The following SPATA33 variants were observed in gnomAD, a reference collection of about 807,000 sequenced individuals.
SPATA33 encodes the protein spermatogenesis associated 33.
Under a neutral mutation model 8.9 loss-of-function variants are expected in SPATA33, and 10 were observed. The ratio of observed to expected loss-of-function variants is 1.12; its 90% confidence interval spans 0.69 to 1.90. The LOEUF is 1.90. Among genes scored for constraint, SPATA33 ranks in the 40% most tolerant of loss-of-function variants. The probability of loss-of-function intolerance (pLI) is 0.00; values close to 1 mark genes in which losing one functional copy is unlikely to be tolerated. For synonymous variants in SPATA33, 96 were observed against 72.8 expected, an observed-to-expected ratio of 1.32 and a Z score of -1.63; for missense variants, 241 against 178.3, an observed-to-expected ratio of 1.35 and a Z score of -2.00.
intron 2 of SPATA33, among the ~76,000 whole-genome samples, chr16:89,664,875 C>A (rs184794226): frequency 1.5e-4 from 23 of 152,336 alleles, no homozygotes; most frequent in Admixed American, 3.9e-4. Context: ...GCACCTGCAC[C>A]CCTGACGACG....
intron 2 of SPATA33, among the ~76,000 whole-genome samples, chr16:89,665,675 A>G (rs977869563): frequency 1.3e-5 from 2 of 152,222 alleles, no homozygotes; most frequent in Admixed American, 6.5e-5. Context: ...GTTTTAGACT[A>G]GAAAATTTCA....
intron 2 of SPATA33, among the ~76,000 whole-genome samples, chr16:89,662,564 C>A (rs1199725235): frequency 1.3e-5 from 2 of 151,932 alleles, no homozygotes; most frequent in African/African-American, 2.4e-5. Context: ...GCTGGGATTA[C>A]AGGCGCCCGC....
chr16:89,660,653 G>T, intron 2 of SPATA33: 2 of 914,154 alleles, frequency 2.2e-6, no homozygotes, highest in Non-Finnish European at 1.4e-6. Flanking sequence ...CACTCATGTT[G>T]CAGTTCCCTT....
At position 89,669,997 on chromosome 16, in the gene SPATA33, G is replaced by A; in HGVS notation, c.*500G>A. On this transcript the variant is annotated 3_prime_UTR_variant, in exon 3 of 3. Transcript: ENST00000579310. Reference sequence around the variant, plus strand: ...AGTGCTCTCCAGCCCGCCCCACCCTGTGAGAAGCCATGGCCCCTTCTCCAG... The same window carrying A: ...AGTGCTCTCCAGCCCGCCCCACCCTATGAGAAGCCATGGCCCCTTCTCCAG... 1 of 149,284 alleles carries A rather than the reference G, an allele frequency of 6.7e-6. No individual in the cohort carries two copies. Among genetic ancestry groups the A allele is most frequent in the Admixed American group, 6.4e-5 (1 of 15,526 alleles). 9.2% of individuals were successfully genotyped at this position (149,284 alleles called of 1,614,324 possible). A position where few individuals can be genotyped will look rare whatever the true frequency, so the allele number is the denominator to read the frequency against.
At chr16:89,666,154 C>T (rs1486032270) in intron 2 of SPATA33, among the ~76,000 whole-genome samples, 1 of 151,890 alleles carries the variant, frequency 6.6e-6, no homozygotes, top group Non-Finnish European at 1.5e-5. Flanking sequence ...GGGGTCGGGC[C>T]CTCTGATACT....
chr16:89,657,861 G>T lies in SPATA33; in HGVS notation c.-51G>T. On this transcript the variant is annotated 5_prime_UTR_variant, in exon 1 of 3. Coordinates refer to ENST00000579310, the MANE Select transcript of SPATA33 (RefSeq NM_001271907.2). ...GTGAGTCGCTCCCGGCTCCGCGGCC[G>T]CGGAGGTGTGGGGACCCGGGCTTGC... The T allele has an allele frequency of 6.6e-7, 1 of 1,510,036 alleles. No individual in the cohort carries two copies. The highest frequency in any genetic ancestry group is 8.8e-7 in the Non-Finnish European group (1 of 1,136,478). 93.5% of individuals were successfully genotyped at this position (1,510,036 alleles called of 1,614,324 possible).
chr16:89,668,874 A>G (rs2060060716), intron 2 of SPATA33, among the ~76,000 whole-genome samples: 1 of 152,212 alleles, frequency 6.6e-6, no homozygotes, highest in African/African-American at 2.4e-5. Context: ...CCATTTCTAG[A>G]ACATTCTAAT....
chr16:89,665,518 G>T (rs2060015251), intron 2 of SPATA33, among the ~76,000 whole-genome samples: 1 of 142,182 alleles, frequency 7.0e-6, no homozygotes, highest in Non-Finnish European at 1.5e-5. Context: ...GTTTCACTAT[G>T]TTAACCAGAA....
intron 2 of SPATA33, chr16:89,659,443 G>T (rs992776945): frequency 5.2e-5 from 8 of 152,398 alleles, no homozygotes; most frequent in African/African-American, 1.9e-4. Flanking sequence ...GGAGGCCGAG[G>T]CGTGTGGATC....
In SPATA33 at chr16:89,669,585, C is replaced by A; in HGVS notation, c.*88C>A. 2 of 1,341,326 alleles carry A rather than the reference C, an allele frequency of 1.5e-6. No homozygotes were observed. The highest frequency in any genetic ancestry group is 2.1e-6 in the Non-Finnish European group (2 of 971,722). The allele number at this position is 1,341,326 out of a possible 1,614,324, so 83.1% of individuals were successfully genotyped here. A position where few individuals can be genotyped will look rare whatever the true frequency, so the allele number is the denominator to read the frequency against. ...ACCCTGTGAGAAGCCGAGGCCCCTT[C>A]TCCAGTGCTCTCGGGGAGGTTGCAC... On this transcript the variant is annotated 3_prime_UTR_variant, in exon 3 of 3. Coordinates refer to ENST00000579310, the MANE Select transcript of SPATA33 (RefSeq NM_001271907.2).
chr16:89,666,746 C>T (rs1442430066), intron 2 of SPATA33, among the ~76,000 whole-genome samples: 2 of 152,150 alleles, frequency 1.3e-5, no homozygotes, highest in African/African-American at 4.8e-5. Flanking sequence ...GAGTGTGAGC[C>T]ATCTCCAATG....
intron 2 of SPATA33, among the ~76,000 whole-genome samples, chr16:89,667,481 T>C (rs541720491): frequency 9.2e-5 from 14 of 152,328 alleles, no homozygotes; most frequent in African/African-American, 3.4e-4. Flanking sequence ...GAACAGCTCG[T>C]GCCCTCGGTC....
At position 89,670,379 on chromosome 16, in the gene SPATA33, G is replaced by C. The variant is rs562339333; in HGVS notation, c.*882G>C. On this transcript the variant is annotated 3_prime_UTR_variant, in exon 3 of 3. Coordinates refer to ENST00000579310, the MANE Select transcript of SPATA33 (RefSeq NM_001271907.2). Reference sequence around the variant, plus strand: ...CCTTCCCCAGAGCTGCTAGCAGCTCGGTCGAGGCAAGAGTGACTGGCTCAG... The same window carrying C: ...CCTTCCCCAGAGCTGCTAGCAGCTCCGTCGAGGCAAGAGTGACTGGCTCAG... The C allele has an allele frequency of 1.3e-5, 2 of 152,364 alleles. No individual in the cohort carries two copies. The highest frequency in any genetic ancestry group is 2.9e-5 in the Non-Finnish European group (2 of 68,160). 9.4% of individuals were successfully genotyped at this position (152,364 alleles called of 1,614,324 possible). A position where few individuals can be genotyped will look rare whatever the true frequency, so the allele number is the denominator to read the frequency against.
At chr16:89,658,536 G>A (rs2059918223) in intron 2 of SPATA33, 115 bp downstream of exon 2, 6 of 1,365,410 alleles carry the variant, frequency 4.4e-6, no homozygotes, top group South Asian at 2.8e-5. Context: ...GGCACGCGCC[G>A]TAAAGATGAA....
intron 2 of SPATA33, among the ~76,000 whole-genome samples, chr16:89,664,419 T>C (rs459920): frequency 0.35 from 53,009 of 151,946 alleles, 10,699 homozygotes; most frequent in Middle Eastern, 0.63. Context: ...CGAGTGTGGG[T>C]GGAATGAGGA....
chr16:89,665,238 G>T (rs1289688546), intron 2 of SPATA33, among the ~76,000 whole-genome samples: 1 of 152,034 alleles, frequency 6.6e-6, no homozygotes, highest in South Asian at 2.1e-4. Flanking sequence ...CAAGCAATCT[G>T]CCTGCTTCAG....
intron 2 of SPATA33, chr16:89,661,303 C>A: frequency 1.4e-6 from 1 of 708,218 alleles, no homozygotes; most frequent in South Asian, 6.3e-5. Context: ...GGGGGCAGGT[C>A]TTTCCTGTGC....
Position 89,658,339 on chromosome 16 carries a change from C to T in SPATA33, c.129C>T (p.Asp43=). ...EKHSQEARQA[D]RESEKPVDSL... Reference sequence around the variant, plus strand: ...ATTCCCAGGAAGCCAGGCAGGCAGACAGGGAGTCGGAGAAGCCTGTGGACA... The same window carrying T: ...ATTCCCAGGAAGCCAGGCAGGCAGATAGGGAGTCGGAGAAGCCTGTGGACA... The change falls in exon 2 of 3, where the codon GAC becomes GAT. Residue 43 remains aspartate (D), a synonymous_variant. Transcript: ENST00000579310. 1 of 1,613,976 alleles carries T rather than the reference C, an allele frequency of 6.2e-7. No homozygotes were observed. Among genetic ancestry groups the T allele is most frequent in the South Asian group, 1.1e-5 (1 of 91,088 alleles).
chr16:89,660,706 G>C, intron 2 of SPATA33: 1 of 746,280 alleles, frequency 1.3e-6, no homozygotes, highest in Non-Finnish European at 1.8e-6. Context: ...GAGAGAAGCA[G>C]ATGAGTGGTT....
Sources: gnomAD v4.1 joint callset for allele counts (sites outside exome capture counted in the v4.1 genomes callset) on GRCh38, gnomAD v4.1.1 for gene constraint, MANE v1.5 for transcripts, NCBI Gene and HGNC (gene_info 2026-07-23, HGNC 2026-07-21) for gene names.